The following DNAJB1 variants were observed in gnomAD, a reference collection of about 807,000 sequenced individuals.
DNAJB1 encodes dnaJ homolog subfamily B member 1.
Under a neutral mutation model 24.0 loss-of-function variants are expected in DNAJB1, and 14 were observed. The ratio of observed to expected loss-of-function variants is 0.58; its 90% CI spans 0.39 to 0.91. DNAJB1 has a LOEUF of 0.91. DNAJB1 is among the 40% of genes least tolerant of loss of function. The pLI, the probability that DNAJB1 is intolerant of heterozygous loss-of-function variation, is 0.00. For synonymous variants in DNAJB1, 262 were observed against 174.4 expected (o/e 1.50, Z -3.96); for missense variants, 517 against 458.1 (o/e 1.13, Z -1.17).
chr19:14,520,408 C>T (rs937679279), upstream of DNAJB1, among the ~76,000 whole-genome samples: 2 of 152,072 alleles, frequency 1.3e-5, no homozygotes, highest in Non-Finnish European at 2.9e-5. Context: ...CCACTGCACT[C>T]CAGCCTGGGT....
At chr19:14,535,693 C>T (rs73002838) in intron 1 of DNAJB1, among the ~76,000 whole-genome samples, 44,967 of 129,286 alleles carry the variant, frequency 0.35, 8,246 homozygotes, top group Middle Eastern at 0.42. Flanking sequence ...AGGTGGAGGT[C>T]GCGGACGAGC....
chr19:14,518,470 C>A (rs1186215163), upstream of DNAJB1: 2 of 749,456 alleles, frequency 2.7e-6, no homozygotes, highest in Non-Finnish European at 3.7e-6. Context: ...CCCTCCAGAA[C>A]CTTCCGCCCC....
chr19:14,521,957 G>C (rs1211330102), upstream of DNAJB1, among the ~76,000 whole-genome samples: 1 of 151,310 alleles, frequency 6.6e-6, no homozygotes, highest in Non-Finnish European at 1.5e-5. Flanking sequence ...TTTTTAATCA[G>C]TTCTAGGAGC....
intron 1 of DNAJB1, among the ~76,000 whole-genome samples, chr19:14,540,775 G>A (rs973074945): frequency 5.9e-5 from 9 of 151,828 alleles, no homozygotes; most frequent in African/African-American, 1.5e-4. Flanking sequence ...GTGATCTGCC[G>A]GCCTCGGCCT....
intron 1 of DNAJB1, among the ~76,000 whole-genome samples, chr19:14,556,954 TG>T (rs1169727044): frequency 2.6e-5 from 4 of 152,180 alleles, no homozygotes; most frequent in African/African-American, 9.6e-5. Context: ...TGTGACCAGC[TG>T]GGCGAGGCAT....
chr19:14,517,514 A>C (rs1333664030), intron 1 of DNAJB1: 5 of 155,788 alleles, frequency 3.2e-5, no homozygotes, highest in Non-Finnish European at 5.7e-5. Context: ...TTGCACAAAA[A>C]GTCAGCTCCA....
intron 1 of DNAJB1, 72 bp from the exon 2 acceptor site, chr19:14,517,118 A>G: frequency 8.7e-6 from 13 of 1,498,290 alleles, no homozygotes; most frequent in South Asian, 1.3e-5. Context: ...TTACAGGGGG[A>G]AACAGCTTGG....
rs2072248335 is a variant in DNAJB1, at chr19:14,515,878, A to G, written c.*62T>C. ...CCTCTCATGGTCCACAACTGGTAGA[A>G]AGGTCCAGAAATCCTTGAGCTCTGG... is the stretch of plus-strand genomic sequence containing the variant. On this transcript the variant is annotated 3_prime_UTR_variant, in exon 3 of 3. Coordinates refer to ENST00000254322, the MANE Select transcript of DNAJB1 (RefSeq NM_006145.3). The G allele has an allele frequency of 8.5e-6, 13 of 1,527,874 alleles. No homozygotes were observed. Among genetic ancestry groups the G allele is most frequent in the Non-Finnish European group, 1.2e-5 (13 of 1,119,540 alleles). 94.6% of individuals were successfully genotyped at this position (1,527,874 alleles called of 1,614,324 possible). A position where few individuals can be genotyped will look rare whatever the true frequency, so the allele number is the denominator to read the frequency against.
chr19:14,541,224 G>A (rs1022129910), intron 1 of DNAJB1, among the ~76,000 whole-genome samples: 1 of 152,174 alleles, frequency 6.6e-6, no homozygotes, highest in Non-Finnish European at 1.5e-5. Flanking sequence ...GTGATCTCCT[G>A]CCTCAGCCTC....
chr19:14,529,684 G>A, upstream of DNAJB1: 1 of 1,614,028 alleles, frequency 6.2e-7, no homozygotes, highest in Non-Finnish European at 8.5e-7. Context: ...AGTAGCCGCC[G>A]TGGGAGGGAG....
chr19:14,523,147 A>G (rs1453142940), upstream of DNAJB1, among the ~76,000 whole-genome samples: 1 of 151,648 alleles, frequency 6.6e-6, no homozygotes, highest in Non-Finnish European at 1.5e-5. Context: ...TGGAGGTTGC[A>G]GTGAGCCAAG....
In DNAJB1 at chr19:14,543,431, T is replaced by A. The variant is rs1383981652; in HGVS notation, c.-214+6777A>T. Among the ~76,000 whole-genome samples, 118 of 23,314 alleles carry A rather than the reference T, an allele frequency of 5.1e-3. 1 individual carries two copies. Among genetic ancestry groups the A allele is most frequent in the African/African-American group, 6.8e-3 (55 of 8,068 alleles). 15.3% of individuals were successfully genotyped at this position (23,314 alleles called of 152,430 possible). ...TATATATATATATATTTTTTTTTTT[T>A]TTTTTTTTTTTTTTTTTTTTTTTTT... On this transcript the variant is annotated intron_variant, in intron 1 of 3. Transcript: ENST00000676982.
In DNAJB1 at chr19:14,518,290, G is replaced by A; in HGVS notation, c.60C>T (p.Ile20=). The change falls in exon 1 of 3, where the codon ATC becomes ATT. Residue 20 remains isoleucine (I), a synonymous_variant. Coordinates refer to ENST00000254322, the MANE Select transcript of DNAJB1 (RefSeq NM_006145.3). ...GCGCCTGGCGGCGGTAGGCCCGCTTGATCTCCTCGTCCGACGCGCCGCGGG... is the reference window on the plus strand; with the variant it reads ...GCGCCTGGCGGCGGTAGGCCCGCTTAATCTCCTCGTCCGACGCGCCGCGGG... ...GLARGASDEE[I]KRAYRRQALR... is the part of the protein sequence containing the mutation. 1 of 1,609,832 alleles carries A rather than the reference G, an allele frequency of 6.2e-7. No homozygotes were observed. Among genetic ancestry groups the A allele is most frequent in the South Asian group, 1.1e-5 (1 of 90,868 alleles).
chr19:14,540,004 T>C (rs1443334448), intron 1 of DNAJB1, among the ~76,000 whole-genome samples: 1 of 147,610 alleles, frequency 6.8e-6, no homozygotes, highest in Admixed American at 6.7e-5. Flanking sequence ...CTCAGCCTCC[T>C]GAGTAGCTGG....
upstream of DNAJB1, among the ~76,000 whole-genome samples, chr19:14,554,769 C>CT (rs1197788189): frequency 2.0e-5 from 3 of 152,110 alleles, no homozygotes; most frequent in East Asian, 5.8e-4. Flanking sequence ...AATTTCACTG[C>CT]TTGTCTCTGC....
chr19:14,552,924 G>C (rs556610226), upstream of DNAJB1, among the ~76,000 whole-genome samples: 2 of 151,986 alleles, frequency 1.3e-5, no homozygotes, highest in African/African-American at 4.8e-5. Flanking sequence ...TAGATGTCAC[G>C]TCTGAATGAA....
chr19:14,523,016 C>A (rs964955858), upstream of DNAJB1, among the ~76,000 whole-genome samples: 5 of 114,608 alleles, frequency 4.4e-5, no homozygotes, highest in Admixed American at 4.1e-4. Context: ...GAGTTTGAGA[C>A]CAGCCTGTCC....
chr19:14,552,763 C>T (rs1448101078), upstream of DNAJB1, among the ~76,000 whole-genome samples: 2 of 151,888 alleles, frequency 1.3e-5, no homozygotes. Context: ...GTCTTGATCT[C>T]CTGACCTCGT....
intron 1 of DNAJB1, among the ~76,000 whole-genome samples, chr19:14,559,283 G>C (rs1373410231): frequency 6.6e-6 from 1 of 152,044 alleles, no homozygotes; most frequent in Non-Finnish European, 1.5e-5. Context: ...TCTCGTCCCA[G>C]AACATTTTCC....
Sources: gnomAD v4.1 joint callset for allele counts (sites outside exome capture counted in the v4.1 genomes callset) on GRCh38, gnomAD v4.1.1 for gene constraint, MANE v1.5 for transcripts, NCBI Gene and HGNC (gene_info 2026-07-23, HGNC 2026-07-21) for gene names.